The following GRIP2 variants were observed in gnomAD, a reference collection of about 807,000 sequenced individuals.
GRIP2 encodes glutamate receptor-interacting protein 2.
A neutral mutation model predicts 108.3 loss-of-function variants in GRIP2; 58 were observed. The observed-to-expected ratio is 0.54, with a 90% CI of 0.43 to 0.67. GRIP2 has a LOEUF of 0.67. Among genes scored for constraint, GRIP2 ranks in the 30% least tolerant of loss-of-function variants. GRIP2 has a pLI of 0.00. For missense variants in GRIP2, 1,278 were observed against 1,430.6 expected (o/e 0.89, Z 1.72); for synonymous variants, 586 against 598.2 (o/e 0.98, Z 0.30).
the GRIP2 span, among the ~76,000 whole-genome samples, chr3:14,564,499 T>C: frequency 1.3e-5 from 2 of 152,234 alleles, no homozygotes; most frequent in African/African-American, 4.8e-5. Context: ...CAGTGCTGGA[T>C]TCAAATCCCA....
chr3:14,571,975 C>T, the GRIP2 span, among the ~76,000 whole-genome samples: 707 of 152,214 alleles, frequency 4.6e-3, 11 homozygotes, highest in African/African-American at 0.016. Context: ...AGTGGTACAG[C>T]GACTTTGGAA....
chr3:14,574,493 G>C, the GRIP2 span: 1 of 727,754 alleles, frequency 1.4e-6, no homozygotes, highest in South Asian at 1.5e-5. Flanking sequence ...GCTCACTGCG[G>C]TCCAGGGCCC....
rs753190956 is a variant in GRIP2 at position 14,493,700 on chromosome 3, G to C, written c.3097C>G (p.Arg1033Gly). The C allele has an allele frequency of 3.7e-6, 6 of 1,606,786 alleles. No homozygotes were observed. Among genetic ancestry groups the C allele is most frequent in the East Asian group, 2.2e-5 (1 of 44,636 alleles). ...PHTAHSSRAP[R>G]SPGPSSPRML Reference sequence around the variant, plus strand: ...CGGGGACTGCTGGGGCCTGGCGATCGGGGGGCCCGGCTGCTGTGTGCCGTG... The same window carrying C: ...CGGGGACTGCTGGGGCCTGGCGATCCGGGGGCCCGGCTGCTGTGTGCCGTG... Residue 1033 changes from arginine (R) to glycine (G), a missense_variant, in exon 24 of 24, where the codon CGA becomes GGA. Arg to Gly is a moderately radical substitution (Grantham distance 125). Coordinates refer to ENST00000621039, the MANE Select transcript of GRIP2 (RefSeq NM_001080423.4).
chr3:14,590,323 A>G, the GRIP2 span, among the ~76,000 whole-genome samples: 1 of 152,130 alleles, frequency 6.6e-6, no homozygotes, highest in African/African-American at 2.4e-5. Flanking sequence ...CTCAGATATC[A>G]TTCTTTATCT....
chr3:14,497,059 T>C (rs1207457365), intron 21 of GRIP2, among the ~76,000 whole-genome samples: 1 of 151,980 alleles, frequency 6.6e-6, no homozygotes. Context: ...CCTCACAGGT[T>C]CAAGTGATTC....
At chr3:14,498,121 G>A (rs1559330209) in intron 21 of GRIP2, among the ~76,000 whole-genome samples, 3 of 152,250 alleles carry the variant, frequency 2.0e-5, no homozygotes, top group Admixed American at 6.5e-5. Context: ...TTTGGGGTGC[G>A]GGGGGTTGGT....
upstream of GRIP2, among the ~76,000 whole-genome samples, chr3:14,558,924 C>T (rs999646221): frequency 7.9e-5 from 12 of 152,236 alleles, no homozygotes; most frequent in Admixed American, 2.0e-4. Context: ...CTGCCACCTA[C>T]GGCTGTCCTG....
upstream of GRIP2, among the ~76,000 whole-genome samples, chr3:14,546,455 C>T (rs1205775667): frequency 6.6e-6 from 1 of 152,092 alleles, no homozygotes; most frequent in Non-Finnish European, 1.5e-5. Flanking sequence ...GGGCCAGGCA[C>T]TTGAGAGGCG....
chr3:14,507,899 G>A lies in GRIP2; in HGVS notation c.2079-199C>T, dbSNP rs959329819. 6.6e-6 allele frequency among the ~76,000 whole-genome samples: 1 copy of A among 152,130 alleles called. No individual in the cohort carries two copies. The highest frequency in any genetic ancestry group is 6.5e-5 in the Admixed American group (1 of 15,272). Reference sequence around the variant, plus strand: ...ATAGAGACATAAAGTCTAGAACCTGGGAGGGGATTGTCCCACCTGACTGCA... The same window carrying A: ...ATAGAGACATAAAGTCTAGAACCTGAGAGGGGATTGTCCCACCTGACTGCA... On this transcript the variant is annotated intron_variant, in intron 17 of 23. Coordinates refer to ENST00000621039, the MANE Select transcript of GRIP2 (RefSeq NM_001080423.4). The surrounding 1 kb of genome is among the most constrained non-coding windows in gnomAD (Gnocchi z 4.6).
the GRIP2 span, among the ~76,000 whole-genome samples, chr3:14,578,307 T>G: frequency 2.6e-5 from 4 of 152,156 alleles, no homozygotes; most frequent in Admixed American, 2.6e-4. Context: ...TGGGCAAGAC[T>G]TGTCACCTCT....
intron 1 of GRIP2, among the ~76,000 whole-genome samples, chr3:14,539,331 G>A (rs1009003487): frequency 6.6e-6 from 1 of 152,176 alleles, no homozygotes; most frequent in African/African-American, 2.4e-5. Flanking sequence ...CGCTAAGGCT[G>A]GGTCCAGAGG....
chr3:14,497,173 A>G (rs1225779545), intron 21 of GRIP2, among the ~76,000 whole-genome samples: 1 of 151,946 alleles, frequency 6.6e-6, no homozygotes, highest in Non-Finnish European at 1.5e-5. Flanking sequence ...CTCCGTGTTG[A>G]TCAGGCTGGT....
At chr3:14,596,770 A>AT in the GRIP2 span, among the ~76,000 whole-genome samples, 4,468 of 147,160 alleles carry the variant, frequency 0.03, 81 homozygotes, top group Admixed American at 0.044. Flanking sequence ...AGTTGTATAG[A>AT]TTTTTTTTTT....
At chr3:14,504,237 C>T (rs9880291) in intron 20 of GRIP2, among the ~76,000 whole-genome samples, 4,704 of 152,094 alleles carry the variant, frequency 0.031, 241 homozygotes, top group African/African-American at 0.1. Flanking sequence ...TTTGACACTT[C>T]GCAAAGCCAC....
Position 14,513,803 on chromosome 3 carries a change from G to A in GRIP2, c.1501C>T (p.Leu501=), listed in dbSNP as rs1694169285. 1.2e-6 allele frequency: 2 copies of A among 1,612,922 alleles called. No homozygotes were observed. The highest frequency in any genetic ancestry group is 4.5e-5 in the East Asian group (2 of 44,876). The change falls in exon 13 of 24, where the codon CTG becomes TTG. Residue 501 remains leucine (L), a synonymous_variant. Coordinates refer to ENST00000621039, the MANE Select transcript of GRIP2 (RefSeq NM_001080423.4). ...AGGACACGGTCCCCCACCTGCAGCA[G>A]CCCACACCTGAACCCAGGGGGCCCG... ...EPDSPAERCG[L]LQVGDRVLSI... is the part of the protein sequence containing the mutation.
Position 14,509,974 on chromosome 3 carries a change from CG to C in GRIP2, c.1934-11del. On this transcript the variant is annotated splice_polypyrimidine_tract_variant and intron_variant, in intron 16 of 23. Coordinates refer to ENST00000621039, the MANE Select transcript of GRIP2 (RefSeq NM_001080423.4). ...GTGGTCTCCAGCTCATCTGCAAGCA[CG>C]GGGACCCATGAGGAGGAGGCCCCCG... The C allele has an allele frequency of 6.8e-7, 1 of 1,480,158 alleles. No individual in the cohort carries two copies. The highest frequency in any genetic ancestry group is 9.0e-7 in the Non-Finnish European group (1 of 1,106,754). 91.7% of individuals were successfully genotyped at this position (1,480,158 alleles called of 1,614,324 possible). A position where few individuals can be genotyped will look rare whatever the true frequency, so the allele number is the denominator to read the frequency against.
rs1212495249 is a variant in GRIP2 at position 14,520,227 on chromosome 3, T to C, written c.913A>G (p.Met305Val). 6.2e-7 allele frequency: 1 copy of C among 1,613,732 alleles called. No individual in the cohort carries two copies. The highest frequency in any genetic ancestry group is 8.5e-7 in the Non-Finnish European group (1 of 1,179,882). The change falls in exon 9 of 24, where the codon ATG becomes GTG. Residue 305 changes from methionine to valine, a missense_variant. By Grantham distance (21) the Met-to-Val change is conservative (BLOSUM62 1). Coordinates refer to ENST00000621039, the MANE Select transcript of GRIP2 (RefSeq NM_001080423.4). ...GCCTCAAGCAGCGAGCAGTGTTCCATGCTGGTGCCATCGATGGACAGGATG... is the reference window on the plus strand; with the variant it reads ...GCCTCAAGCAGCGAGCAGTGTTCCACGCTGGTGCCATCGATGGACAGGATG... The part of the protein sequence containing the change: ...DHILSIDGTS[M>V]EHCSLLEATK...
At chr3:14,508,417 G>C (rs753652252) in intron 17 of GRIP2, among the ~76,000 whole-genome samples, 1 of 152,232 alleles carries the variant, frequency 6.6e-6, no homozygotes, top group Non-Finnish European at 1.5e-5. Context: ...GGGCTGAGCA[G>C]GGGAGAAGCT....
chr3:14,537,466 C>T (rs1255872254), intron 1 of GRIP2, among the ~76,000 whole-genome samples: 2 of 152,256 alleles, frequency 1.3e-5, no homozygotes, highest in Non-Finnish European at 2.9e-5. Flanking sequence ...TTCTGTCTGC[C>T]TGCTCACTGC....
Sources: gnomAD v4.1 joint callset for allele counts (sites outside exome capture counted in the v4.1 genomes callset) on GRCh38, gnomAD v4.1.1 for gene constraint, Gnocchi (gnomAD v3.1) non-coding constraint, MANE v1.5 for transcripts, NCBI Gene and HGNC (gene_info 2026-07-23, HGNC 2026-07-21) for gene names.